Variants in HPS5 observed in about 807,000 individuals in gnomAD.
HPS5 encodes HPS5 biogenesis of lysosomal organelles complex 2 subunit 2.
Under a neutral mutation model 128.0 loss-of-function variants are expected in HPS5, and 83 were observed. The ratio of observed to expected loss-of-function variants is 0.65; its 90% CI spans 0.54 to 0.78. The LOEUF (loss-of-function observed/expected upper bound fraction) is 0.78, where lower values mean the gene tolerates loss of function less well. Among genes scored for constraint, HPS5 ranks in the 30% least tolerant of loss-of-function variants. HPS5 has a pLI of 0.00. For synonymous variants in HPS5, 475 were observed against 470.2 expected (o/e 1.01, Z -0.13); for missense variants, 1,281 against 1,326.2 (o/e 0.97, Z 0.53).
Position 18,314,747 on chromosome 11 carries a change from C to A in HPS5, c.109-2723G>T, listed in dbSNP as rs147012782. Among the ~76,000 whole-genome samples, 58 of 152,188 alleles carry A rather than the reference C, an allele frequency of 3.8e-4. 1 individual carries two copies. The highest frequency in any genetic ancestry group is 1.2e-3 in the African/African-American group (48 of 41,514). On this transcript the variant is annotated intron_variant, in intron 2 of 22. Transcript: ENST00000349215. ...ATAGGGTCTTGCTGTGTCACCCAGGCTGGAATGCAGTGGAGCTATCACAGC... is the reference window on the plus strand; with the variant it reads ...ATAGGGTCTTGCTGTGTCACCCAGGATGGAATGCAGTGGAGCTATCACAGC...
At chr11:18,304,743 C>T (rs1326177731) in intron 8 of HPS5, among the ~76,000 whole-genome samples, 1 of 152,154 alleles carries the variant, frequency 6.6e-6, no homozygotes, top group South Asian at 2.1e-4. Context: ...GTTAACTAGC[C>T]TAAGGGATAT....
chr11:18,292,541 G>C (rs1860541267), intron 15 of HPS5, among the ~76,000 whole-genome samples: 1 of 152,130 alleles, frequency 6.6e-6, no homozygotes, highest in African/African-American at 2.4e-5. Flanking sequence ...GCCCCAAACT[G>C]TCTCAGGACC....
chr11:18,299,182 C>A (rs2134358965), intron 9 of HPS5, among the ~76,000 whole-genome samples: 1 of 152,250 alleles, frequency 6.6e-6, no homozygotes, highest in South Asian at 2.1e-4. Context: ...GAAGAAAGAA[C>A]TATATCTCTC....
Position 18,286,680 on chromosome 11 carries a change from TG to T in HPS5, c.2747del (p.Pro916GlnfsTer4). Reference sequence around the variant, plus strand: ...GCAGCCAATCCAACCTTAAAGACTCTGGTTGCAGAAGGGACTCAAGAAAAGA... The same window carrying T: ...GCAGCCAATCCAACCTTAAAGACTCTGTTGCAGAAGGGACTCAAGAAAAGA... ...RSSFLESLLQ[P>X]ESLRLDWLLL... On this transcript the variant is annotated frameshift_variant, in exon 19 of 23. Transcript: ENST00000349215. LOFTEE classifies it high-confidence loss of function. The T allele has an allele frequency of 1.2e-6, 2 of 1,614,026 alleles. No homozygotes were observed. The highest frequency in any genetic ancestry group is 1.7e-6 in the Non-Finnish European group (2 of 1,179,946).
chr11:18,295,318 TA>T (rs1177003296), intron 13 of HPS5, 149 bp from the exon 14 acceptor site: 1 of 672,242 alleles, frequency 1.5e-6, no homozygotes, highest in Non-Finnish European at 2.6e-6. Flanking sequence ...TCTGTTCAAA[TA>T]ATAGTATTTC....
At chr11:18,319,257 A>C (rs1315764229) in intron 1 of HPS5, among the ~76,000 whole-genome samples, 1 of 29,880 alleles carries the variant, frequency 3.3e-5, no homozygotes, top group South Asian at 1.2e-3. Flanking sequence ...GACAAATACC[A>C]CACACACACA....
intron 16 of HPS5, among the ~76,000 whole-genome samples, chr11:18,291,108 C>T (rs1285625681): frequency 1.3e-5 from 2 of 152,158 alleles, no homozygotes; most frequent in African/African-American, 4.8e-5. Context: ...GTCCCAGCTA[C>T]TTGGGAGGCT....
chr11:18,282,457 G>A (rs1352249560), intron 21 of HPS5, among the ~76,000 whole-genome samples: 1 of 151,250 alleles, frequency 6.6e-6, no homozygotes, highest in Non-Finnish European at 1.5e-5. Flanking sequence ...GAGAGACAGG[G>A]TCTCACTACC....
In HPS5 at chr11:18,287,661, A is replaced by C; in HGVS notation, c.2591T>G (p.Leu864Arg). The C allele has an allele frequency of 6.2e-7, 1 of 1,614,206 alleles. No homozygotes were observed. Among genetic ancestry groups the C allele is most frequent in the Non-Finnish European group, 8.5e-7 (1 of 1,180,026 alleles). Residue 864 changes from leucine to arginine, a missense_variant, in exon 18 of 23, where the codon CTT becomes CGT. By Grantham distance (102) the Leu-to-Arg change is moderately radical (BLOSUM62 -2). Transcript: ENST00000349215. ...TGGAAAGAACTTGATTAAGGATCGA[A>C]GAGCAGACTCCCCAAACTTTTCATA... Reference protein sequence around the residue: ...RLYEKFGESALRSLIKFFPSI... With the variant: ...RLYEKFGESARRSLIKFFPSI...
intron 2 of HPS5, among the ~76,000 whole-genome samples, chr11:18,317,055 G>A (rs888030487): frequency 1.3e-5 from 2 of 152,138 alleles, no homozygotes; most frequent in Non-Finnish European, 2.9e-5. Flanking sequence ...TTAGCCAGAC[G>A]TGGTGGCGGG....
Position 18,287,987 on chromosome 11 carries a change from T to G in HPS5, c.2467A>C (p.Met823Leu). ...KEMASSNPVY[M>L]EMEKGDLPTR... is the part of the protein sequence containing the mutation. ...GGTAGATCTCCTTTTTCCATCTCCA[T>G]ATACACAGGATTGGAACTTGCCATT... The change falls in exon 17 of 23, where the codon ATG becomes CTG. Residue 823 changes from methionine (M) to leucine (L), a missense_variant. Transcript: ENST00000349215. The G allele has an allele frequency of 1.9e-6, 3 of 1,613,774 alleles. No individual in the cohort carries two copies. Among genetic ancestry groups the G allele is most frequent in the Non-Finnish European group, 2.5e-6 (3 of 1,179,826 alleles).
At position 18,306,194 on chromosome 11, in the gene HPS5, TATA is replaced by T; in HGVS notation, c.762_764del (p.Ile255del). The T allele has an allele frequency of 6.2e-7, 1 of 1,614,138 alleles. No homozygotes were observed. The highest frequency in any genetic ancestry group is 8.5e-7 in the Non-Finnish European group (1 of 1,179,994). ...GGAGTTTCTTGAACTGATGTGTACT[TATA>T]ACTTCTCCATCAAAGTTCACTTCCC... is the stretch of plus-strand genomic sequence containing the variant. On this transcript the variant is annotated inframe_deletion, in exon 7 of 23. Transcript: ENST00000349215.
intron 22 of HPS5, chr11:18,280,676 CAT>C: frequency 4.5e-6 from 3 of 659,920 alleles, no homozygotes; most frequent in Non-Finnish European, 8.2e-6. Flanking sequence ...CAAAAGGTGG[CAT>C]ATATATACAA....
chr11:18,297,655 G>A lies in HPS5; in HGVS notation c.1227C>T (p.Thr409=), dbSNP rs1861232968. 1.9e-6 allele frequency: 3 copies of A among 1,613,880 alleles called. No homozygotes were observed. Among genetic ancestry groups the A allele is most frequent in the Non-Finnish European group, 2.5e-6 (3 of 1,179,762 alleles). The change falls in exon 11 of 23, where the codon ACC becomes ACT. Residue 409 remains threonine, a synonymous_variant. Transcript: ENST00000349215. ...EHLKSQLDHG[T]YNDLISQLEE... Reference sequence around the variant, plus strand: ...CCAGTTGAGAAATTAGATCATTGTAGGTGCCATGGTCCAGCTGAGATTTCA... The same window carrying A: ...CCAGTTGAGAAATTAGATCATTGTAAGTGCCATGGTCCAGCTGAGATTTCA...
chr11:18,297,652 G>T lies in HPS5; in HGVS notation c.1230C>A (p.Tyr410Ter), dbSNP rs1175427684. 6.2e-7 allele frequency: 1 copy of T among 1,613,826 alleles called. No individual in the cohort carries two copies. Among genetic ancestry groups the T allele is most frequent in the Admixed American group, 1.7e-5 (1 of 60,024 alleles). Reference sequence around the variant, plus strand: ...CTTCCAGTTGAGAAATTAGATCATTGTAGGTGCCATGGTCCAGCTGAGATT... The same window carrying T: ...CTTCCAGTTGAGAAATTAGATCATTTTAGGTGCCATGGTCCAGCTGAGATT... ...HLKSQLDHGTYNDLISQLEEL... is the reference protein window; with the variant it reads ...HLKSQLDHGT The change falls in exon 11 of 23, where the codon TAC (tyrosine) becomes TAA (stop). Residue 410 changes from tyrosine to a stop codon, truncating the protein, a stop_gained. Transcript: ENST00000349215. LOFTEE classifies it high-confidence loss of function.
At chr11:18,283,636 AAAC>A (rs1209321633) in intron 21 of HPS5, among the ~76,000 whole-genome samples, 156 bp downstream of exon 21, 6 of 152,150 alleles carry the variant, frequency 3.9e-5, no homozygotes, top group African/African-American at 1.4e-4. Context: ...TATAGGTAAA[AAAC>A]AAAAACAAAA....
intron 22 of HPS5, chr11:18,280,553 C>T (rs1858755126): frequency 4.3e-6 from 3 of 699,526 alleles, no homozygotes; most frequent in Non-Finnish European, 5.2e-6. Flanking sequence ...CCCGAAAGAA[C>T]TGAAAGCAGT....
intron 1 of HPS5, among the ~76,000 whole-genome samples, chr11:18,321,347 T>A (rs1292298436): frequency 6.6e-6 from 1 of 152,222 alleles, no homozygotes; most frequent in Non-Finnish European, 1.5e-5. Flanking sequence ...ATATGATGTT[T>A]ATGGAATCTT....
intron 14 of HPS5, among the ~76,000 whole-genome samples, chr11:18,293,293 C>T (rs1475003099): frequency 3.9e-5 from 6 of 152,174 alleles, no homozygotes; most frequent in Non-Finnish European, 7.4e-5. Context: ...CTCAGCCTCC[C>T]GAATAGCTGG....
Sources: allele counts gnomAD v4.1 joint callset (sites outside exome capture counted in the v4.1 genomes callset), GRCh38; gene constraint gnomAD v4.1.1; transcripts MANE v1.5; gene names NCBI Gene and HGNC (gene_info 2026-07-23, HGNC 2026-07-21).